Variants in KIF13A observed in about 807,000 individuals in gnomAD.
The protein encoded by KIF13A is kinesin family member 13A, also known as kinesin-like protein KIF13A.
A neutral mutation model predicts 212.2 loss-of-function variants in KIF13A; 79 were observed. That is an observed-to-expected ratio of 0.37 (90% CI 0.31 to 0.45). The LOEUF is 0.45. Ranked by LOEUF, KIF13A falls within the 20% of genes least tolerant of loss-of-function variation. KIF13A has a pLI of 1.00. For synonymous variants in KIF13A, 789 were observed against 808.6 expected (o/e 0.98, Z 0.41); for missense variants, 1,901 against 2,209.0 (o/e 0.86, Z 2.79).
At chr6:17,904,704 G>A (rs1773345015) in intron 2 of KIF13A, among the ~76,000 whole-genome samples, 1 of 152,224 alleles carries the variant, frequency 6.6e-6, no homozygotes, top group African/African-American at 2.4e-5. Context: ...GGGTCAAGGA[G>A]TCCTCTGACC....
At chr6:17,887,627 T>C (rs1771663579) in intron 3 of KIF13A, among the ~76,000 whole-genome samples, 1 of 152,218 alleles carries the variant, frequency 6.6e-6, no homozygotes, top group Non-Finnish European at 1.5e-5. Context: ...ACTCTACACT[T>C]TAACCAGAGT....
chr6:17,921,716 G>C (rs1014641993), intron 2 of KIF13A, among the ~76,000 whole-genome samples: 1 of 152,162 alleles, frequency 6.6e-6, no homozygotes, highest in Non-Finnish European at 1.5e-5. Context: ...GGAAAGCCAA[G>C]AGTGGGAAGA....
At position 17,772,309 on chromosome 6, in the gene KIF13A, T is replaced by C. The variant is rs557893723; in HGVS notation, c.4325-250A>G. Among the ~76,000 whole-genome samples the C allele has an allele frequency of 5.9e-5, 9 of 152,152 alleles. No homozygotes were observed. Among genetic ancestry groups the C allele is most frequent in the African/African-American group, 2.2e-4 (9 of 41,492 alleles). The stretch of plus-strand genomic sequence containing the variant: ...TTGTTGTACTTGCTACTCAGGAGGC[T>C]GAGGCGAGAAGATCGCTTGAGCCCC... On this transcript the variant is annotated intron_variant, in intron 36 of 38. Coordinates refer to ENST00000259711, the MANE Select transcript of KIF13A (RefSeq NM_022113.6). The surrounding 1 kb of genome is among the most constrained non-coding windows in gnomAD (Gnocchi z 4.8).
In KIF13A at chr6:17,899,780, G is replaced by T. The variant is rs368825950; in HGVS notation, c.147-1600C>A. On this transcript the variant is annotated intron_variant, in intron 2 of 38. Transcript: ENST00000259711. The surrounding 1 kb of genome is among the most constrained non-coding windows in gnomAD (Gnocchi z 5.2). ...CCATCAAGCAAGTCTCAACATATTT[G>T]TATGTCTACCCTTTAAAACAAGATA... 1.3e-5 allele frequency among the ~76,000 whole-genome samples: 2 copies of T among 152,196 alleles called. No homozygotes were observed. Among genetic ancestry groups the T allele is most frequent in the South Asian group, 2.1e-4 (1 of 4,824 alleles).
intron 2 of KIF13A, among the ~76,000 whole-genome samples, chr6:17,917,023 C>CAA (rs1423138384): frequency 3.8e-5 from 4 of 104,666 alleles, no homozygotes; most frequent in Non-Finnish European, 4.0e-5. Flanking sequence ...GTCAACTTTA[C>CAA]AAAAAAAAAA....
intron 17 of KIF13A, among the ~76,000 whole-genome samples, chr6:17,814,367 A>G (rs796891402): frequency 7.0e-5 from 10 of 142,048 alleles, no homozygotes; most frequent in African/African-American, 2.1e-4. Context: ...TTCTGCCTCA[A>G]CCTCCCGAGT....
chr6:17,910,487 GTATCC>G (rs577709716), intron 2 of KIF13A, among the ~76,000 whole-genome samples: 5 of 152,298 alleles, frequency 3.3e-5, no homozygotes, highest in South Asian at 4.1e-4. Context: ...AATGTAAGAG[GTATCC>G]TACAGGCCAG....
Position 17,886,388 on chromosome 6 carries a change from C to T in KIF13A, c.159+11780G>A, listed in dbSNP as rs573055281. Among the ~76,000 whole-genome samples, 3 of 152,324 alleles carry T rather than the reference C, an allele frequency of 2.0e-5. No individual in the cohort carries two copies. The highest frequency in any genetic ancestry group is 3.9e-4 in the East Asian group (2 of 5,182). ...GCAGTCCAGGGGTTGCAAACATTTA[C>T]TCCCAGTTAAGTTACGCTGCAAAGG... On this transcript the variant is annotated intron_variant, in intron 3 of 38. Transcript: ENST00000259711. The surrounding 1 kb of genome is among the most constrained non-coding windows in gnomAD (Gnocchi z 5.6).
chr6:17,764,416 G>C lies in KIF13A; in HGVS notation c.5112C>G (p.Ala1704=). The change falls in exon 39 of 39, where the codon GCC becomes GCG. Residue 1704 remains alanine (A), a synonymous_variant. Coordinates refer to ENST00000259711, the MANE Select transcript of KIF13A (RefSeq NM_022113.6). This position sits in a 1 kb window ranked among gnomAD's most constrained non-coding sequence, Gnocchi z 5.1. ...CTGGCTGGCTAATTTTGCTGGGGCA[G>C]GCATCTAGTTCTGAACATGAGCCAG... ...CRTGSCSELD[A]CPSKISQPAR... is the part of the protein sequence containing the mutation. The C allele has an allele frequency of 6.2e-7, 1 of 1,614,030 alleles. No homozygotes were observed. The highest frequency in any genetic ancestry group is 8.5e-7 in the Non-Finnish European group (1 of 1,179,894).
At chr6:17,975,434 T>TA (rs1473757305) in intron 2 of KIF13A, among the ~76,000 whole-genome samples, 1 of 152,190 alleles carries the variant, frequency 6.6e-6, no homozygotes, top group Non-Finnish European at 1.5e-5. Context: ...GTTCGTGATC[T>TA]CGCTAGCTTA....
chr6:17,945,847 A>C (rs2150562414), intron 2 of KIF13A, among the ~76,000 whole-genome samples: 1 of 152,274 alleles, frequency 6.6e-6, no homozygotes, highest in South Asian at 2.1e-4. Context: ...CAGAACACCG[A>C]AACAGAAGAG....
chr6:17,937,752 T>TTG (rs1776596713), intron 2 of KIF13A, among the ~76,000 whole-genome samples: 1 of 123,630 alleles, frequency 8.1e-6, no homozygotes, highest in African/African-American at 3.3e-5. Flanking sequence ...TTTTGTTTTT[T>TTG]TTTTTTTGTT....
chr6:17,971,666 C>T lies in KIF13A; in HGVS notation c.146+15388G>A, dbSNP rs890491885. Among the ~76,000 whole-genome samples, 1 of 152,120 alleles carries T rather than the reference C, an allele frequency of 6.6e-6. No homozygotes were observed. The highest frequency in any genetic ancestry group is 1.5e-5 in the Non-Finnish European group (1 of 68,024). On this transcript the variant is annotated intron_variant, in intron 2 of 38. Coordinates refer to ENST00000259711, the MANE Select transcript of KIF13A (RefSeq NM_022113.6). This position sits in a 1 kb window ranked among gnomAD's most constrained non-coding sequence, Gnocchi z 4.2. ...TCTCAAGCTCCTGGGCCCAAGCGATCCTCCCACCTCTGCCTCCCAAAGAAT... is the reference window on the plus strand; with the variant it reads ...TCTCAAGCTCCTGGGCCCAAGCGATTCTCCCACCTCTGCCTCCCAAAGAAT...
chr6:17,855,325 C>T lies in KIF13A; in HGVS notation c.494+112G>A. 3.8e-6 allele frequency: 3 copies of T among 780,208 alleles called. No individual in the cohort carries two copies. In the South Asian group the frequency reaches 5.9e-5, roughly 15 times the overall value. The allele number at this position is 780,208 out of a possible 1,614,324, so 48.3% of individuals were successfully genotyped here. On this transcript the variant is annotated intron_variant, in intron 6 of 38. Coordinates refer to ENST00000259711, the MANE Select transcript of KIF13A (RefSeq NM_022113.6). The surrounding 1 kb of genome is among the most constrained non-coding windows in gnomAD (Gnocchi z 4.1). ...TGATTTTTCTGTAAATGAATGAAAA[C>T]CAGTGTAGTCACCAAGAGCTTAAAT...
chr6:17,935,326 A>G (rs1041895778), intron 2 of KIF13A, among the ~76,000 whole-genome samples: 2 of 152,092 alleles, frequency 1.3e-5, no homozygotes, highest in Non-Finnish European at 2.9e-5. Flanking sequence ...ATGGGATCAG[A>G]GAGGAAAATT....
At position 17,825,466 on chromosome 6, in the gene KIF13A, T is replaced by C. The variant is rs1764880344; in HGVS notation, c.1786+302A>G. On this transcript the variant is annotated intron_variant, in intron 16 of 38. Transcript: ENST00000259711. The surrounding 1 kb of genome is among the most constrained non-coding windows in gnomAD (Gnocchi z 4.5). ...ATGACAGGCTCGATGATGAGAAATT[T>C]GGTAAGGAATTTTGTCAAAATCATT... Among the ~76,000 whole-genome samples, 1 of 152,180 alleles carries C rather than the reference T, an allele frequency of 6.6e-6. No individual in the cohort carries two copies. The highest frequency in any genetic ancestry group is 6.5e-5 in the Admixed American group (1 of 15,272).
At position 17,898,385 on chromosome 6, in the gene KIF13A, C is replaced by T. The variant is rs1051701821; in HGVS notation, c.147-205G>A. ...AATGAAGTGATAAACTCAATATTTGCTCAAAAACATGGTATGGGCATAATG... is the reference window on the plus strand; with the variant it reads ...AATGAAGTGATAAACTCAATATTTGTTCAAAAACATGGTATGGGCATAATG... On this transcript the variant is annotated intron_variant, in intron 2 of 38. Transcript: ENST00000259711. This position sits in a 1 kb window ranked among gnomAD's most constrained non-coding sequence, Gnocchi z 5.2. 1.3e-5 allele frequency among the ~76,000 whole-genome samples: 2 copies of T among 152,104 alleles called. No homozygotes were observed. Among genetic ancestry groups the T allele is most frequent in the South Asian group, 4.1e-4 (2 of 4,832 alleles).
intron 6 of KIF13A, among the ~76,000 whole-genome samples, chr6:17,854,980 GTC>G (rs2150405415): frequency 6.6e-6 from 1 of 152,254 alleles, no homozygotes; most frequent in African/African-American, 2.4e-5. Flanking sequence ...ACTGAATACA[GTC>G]TCTATGGGTG....
Position 17,895,417 on chromosome 6 carries a change from A to T in KIF13A, c.159+2751T>A, listed in dbSNP as rs781561589. On this transcript the variant is annotated intron_variant, in intron 3 of 38. Coordinates refer to ENST00000259711, the MANE Select transcript of KIF13A (RefSeq NM_022113.6). The surrounding 1 kb of genome is among the most constrained non-coding windows in gnomAD (Gnocchi z 4.4). ...TTTCATTTACTTCTGCCAGGTGCCT[A>T]TGGGCACCTGCATTCTGGTATCACT... is the stretch of plus-strand genomic sequence containing the variant. Among the ~76,000 whole-genome samples the T allele has an allele frequency of 6.6e-6, 1 of 152,206 alleles. No homozygotes were observed. Among genetic ancestry groups the T allele is most frequent in the Admixed American group, 6.5e-5 (1 of 15,284 alleles).
Sources: allele counts gnomAD v4.1 joint callset (sites outside exome capture counted in the v4.1 genomes callset), GRCh38; gene constraint gnomAD v4.1.1; non-coding constraint Gnocchi (gnomAD v3.1); transcripts MANE v1.5; gene names NCBI Gene and HGNC (gene_info 2026-07-23, HGNC 2026-07-21).